USP6NL: variants seen among roughly 807,000 people sequenced by gnomAD.
USP6NL encodes the protein USP6 N-terminal-like protein.
A neutral mutation model predicts 61.9 loss-of-function variants in USP6NL; 26 were observed. The ratio of observed to expected loss-of-function variants is 0.42; its 90% CI spans 0.31 to 0.58. The LOEUF (loss-of-function observed/expected upper bound fraction) is 0.58. Ranked by LOEUF, USP6NL falls within the 20% of genes least tolerant of loss-of-function variation. The pLI, the probability that USP6NL is intolerant of heterozygous loss-of-function variation, is 0.16. For synonymous variants in USP6NL, 432 were observed against 390.1 expected (o/e 1.11, Z -1.27); for missense variants, 1,114 against 1,034.3 (o/e 1.08, Z -1.06).
At chr10:11,544,641 C>A (rs1384078423) in intron 2 of USP6NL, among the ~76,000 whole-genome samples, 2 of 152,156 alleles carry the variant, frequency 1.3e-5, no homozygotes, top group Non-Finnish European at 2.9e-5. Context: ...GTGCCTGCCA[C>A]CACACCTGGC....
intron 2 of USP6NL, among the ~76,000 whole-genome samples, chr10:11,569,784 A>AGAAT (rs1837294174): frequency 6.6e-6 from 1 of 152,246 alleles, no homozygotes; most frequent in Non-Finnish European, 1.5e-5. Context: ...TCTAGGTTTT[A>AGAAT]TGGCAAATTG....
intron 14 of USP6NL, among the ~76,000 whole-genome samples, chr10:11,473,222 T>C (rs1297421994): frequency 6.7e-6 from 1 of 149,016 alleles, no homozygotes; most frequent in Admixed American, 6.6e-5. Flanking sequence ...TAGGATTTCA[T>C]TTATTCAATA....
At chr10:11,526,099 A>ACATGCTC (rs879485510) in intron 3 of USP6NL, among the ~76,000 whole-genome samples, 8,612 of 152,072 alleles carry the variant, frequency 0.057, 368 homozygotes, top group East Asian at 0.16. Flanking sequence ...CTCATGCTCC[A>ACATGCTC]TCAACTCTTC....
chr10:11,568,786 T>C (rs11257175), intron 2 of USP6NL, among the ~76,000 whole-genome samples: 17,733 of 152,228 alleles, frequency 0.12, 1,355 homozygotes, highest in East Asian at 0.16. Flanking sequence ...CATTACTCCA[T>C]GAATTGCACT....
At chr10:11,573,504 C>T in intron 2 of USP6NL, 1 of 396,480 alleles carries the variant, frequency 2.5e-6, no homozygotes, top group East Asian at 3.6e-5. Flanking sequence ...CAAAAGCATA[C>T]ACGGAAACTC....
rs1834643754 is a variant in USP6NL at position 11,510,209 on chromosome 10, T to C, written c.196-534A>G. ...GCTGCCCTAAAGAAATTTGACCAGG[T>C]GCTAAGGACAATGGACAAGGAACAC... On this transcript the variant is annotated intron_variant, in intron 5 of 14. Transcript: ENST00000609104. This position sits in a 1 kb window ranked among gnomAD's most constrained non-coding sequence, Gnocchi z 4.8. Among the ~76,000 whole-genome samples the C allele has an allele frequency of 6.6e-6, 1 of 151,790 alleles. No individual in the cohort carries two copies. The highest frequency in any genetic ancestry group is 1.5e-5 in the Non-Finnish European group (1 of 67,964).
chr10:11,490,983 C>A lies in USP6NL; in HGVS notation c.495-103G>T. Reference sequence around the variant, plus strand: ...CAAAGACTGACTGAAAACAGATAATCCAGATAAAATTACTAATGTAATAAA... The same window carrying A: ...CAAAGACTGACTGAAAACAGATAATACAGATAAAATTACTAATGTAATAAA... On this transcript the variant is annotated intron_variant, in intron 8 of 14. Coordinates refer to ENST00000609104, the MANE Select transcript of USP6NL (RefSeq NM_014688.5). The surrounding 1 kb of genome is among the most constrained non-coding windows in gnomAD (Gnocchi z 4.5). 1 of 1,026,742 alleles carries A rather than the reference C, an allele frequency of 9.7e-7. No homozygotes were observed. The highest frequency in any genetic ancestry group is 1.8e-5 in the South Asian group (1 of 54,298). The allele number at this position is 1,026,742 out of a possible 1,614,324, so 63.6% of individuals were successfully genotyped here.
intron 2 of USP6NL, among the ~76,000 whole-genome samples, chr10:11,557,183 C>A (rs1836737827): frequency 6.6e-6 from 1 of 152,138 alleles, no homozygotes; most frequent in Non-Finnish European, 1.5e-5. Flanking sequence ...TGTTTTCATG[C>A]TCAATCAGCT....
intron 2 of USP6NL, among the ~76,000 whole-genome samples, chr10:11,544,509 C>A (rs909419985): frequency 6.6e-6 from 1 of 151,300 alleles, no homozygotes; most frequent in Non-Finnish European, 1.5e-5. Context: ...TTTTTTAAGA[C>A]AGAATTTCGC....
intron 7 of USP6NL, among the ~76,000 whole-genome samples, chr10:11,498,671 T>C (rs1834048763): frequency 6.6e-6 from 1 of 152,198 alleles, no homozygotes; most frequent in Admixed American, 6.5e-5. Flanking sequence ...TACTTTATTT[T>C]AAAATACGGC....
intron 1 of USP6NL, among the ~76,000 whole-genome samples, chr10:11,608,037 C>T (rs965908653): frequency 6.6e-6 from 1 of 152,170 alleles, no homozygotes; most frequent in African/African-American, 2.4e-5. Context: ...AAACTACTTG[C>T]CACTTACTGA....
intron 6 of USP6NL, among the ~76,000 whole-genome samples, chr10:11,505,887 T>C (rs1164648196): frequency 6.6e-6 from 1 of 152,178 alleles, no homozygotes; most frequent in Non-Finnish European, 1.5e-5. Context: ...TGCCTCTCCA[T>C]TTTCTCTCAT....
chr10:11,462,471 C>T lies in USP6NL; in HGVS notation c.2457G>A (p.Gly819=), dbSNP rs1460511600. ...PPAYHYRNRD[G]LSIQESVLL ...GCAACACTGACTCTTGGATGGAAAG[C>T]CCGTCCCGATTCCTGTAGTGGTAGG... The change falls in exon 15 of 15, where the codon GGG becomes GGA. Residue 819 remains glycine (G), a synonymous_variant. Coordinates refer to ENST00000609104, the MANE Select transcript of USP6NL (RefSeq NM_014688.5). 3 of 1,613,696 alleles carry T rather than the reference C, an allele frequency of 1.9e-6. No individual in the cohort carries two copies. Among genetic ancestry groups the T allele is most frequent in the Admixed American group, 1.7e-5 (1 of 60,024 alleles).
At chr10:11,580,604 T>C (rs747426098) in intron 2 of USP6NL, among the ~76,000 whole-genome samples, 3 of 152,146 alleles carry the variant, frequency 2.0e-5, no homozygotes, top group Non-Finnish European at 2.9e-5. Flanking sequence ...CTGGGGAGTT[T>C]CAAAGGACTG....
intron 6 of USP6NL, among the ~76,000 whole-genome samples, chr10:11,501,478 C>G (rs1834191907): frequency 6.6e-6 from 1 of 152,212 alleles, no homozygotes; most frequent in East Asian, 1.9e-4. Context: ...GGAAGTGTCC[C>G]TTAAGTGGCA....
chr10:11,596,111 A>C lies in USP6NL; in HGVS notation c.4+1520T>G, dbSNP rs767827136. ...TGAAAGGCACAGGCTACCTGCCGTC[A>C]AAAAAACTTACATCTGCAACACTGA... On this transcript the variant is annotated intron_variant, in intron 2 of 14. Transcript: ENST00000609104. The surrounding 1 kb of genome is among the most constrained non-coding windows in gnomAD (Gnocchi z 4.1). Among the ~76,000 whole-genome samples the C allele has an allele frequency of 2.6e-5, 4 of 152,180 alleles. No individual in the cohort carries two copies. The highest frequency in any genetic ancestry group is 4.8e-5 in the African/African-American group (2 of 41,430).
rs191360265 is a variant in USP6NL at position 11,574,910 on chromosome 10, T to C, written c.4+22721A>G. ...CTCCAGCAAGCACCGTCTGTAAAAA[T>C]GTCTAGTTTTAAAATTCAAGGTGAA... is the stretch of plus-strand genomic sequence containing the variant. On this transcript the variant is annotated intron_variant, in intron 2 of 14. Coordinates refer to ENST00000609104, the MANE Select transcript of USP6NL (RefSeq NM_014688.5). The surrounding 1 kb of genome is among the most constrained non-coding windows in gnomAD (Gnocchi z 4.3). Among the ~76,000 whole-genome samples the C allele has an allele frequency of 4.6e-3, 696 of 152,270 alleles. 7 individuals carry two copies. The highest frequency in any genetic ancestry group is 0.016 in the African/African-American group (653 of 41,556).
chr10:11,565,962 T>C (rs1385960140), intron 2 of USP6NL, among the ~76,000 whole-genome samples: 4 of 152,222 alleles, frequency 2.6e-5, no homozygotes, highest in Admixed American at 2.6e-4. Context: ...CCAGCATTTA[T>C]CATATGCACA....
chr10:11,510,211 C>CT lies in USP6NL; in HGVS notation c.196-537dup, dbSNP rs1393741972. Among the ~76,000 whole-genome samples the CT allele has an allele frequency of 6.6e-6, 1 of 152,050 alleles. No homozygotes were observed. The highest frequency in any genetic ancestry group is 1.9e-4 in the East Asian group (1 of 5,190). On this transcript the variant is annotated intron_variant, in intron 5 of 14. Coordinates refer to ENST00000609104, the MANE Select transcript of USP6NL (RefSeq NM_014688.5). This position sits in a 1 kb window ranked among gnomAD's most constrained non-coding sequence, Gnocchi z 4.8. ...TGCCCTAAAGAAATTTGACCAGGTG[C>CT]TAAGGACAATGGACAAGGAACACAC...
Sources: gnomAD v4.1 joint callset for allele counts (sites outside exome capture counted in the v4.1 genomes callset) on GRCh38, gnomAD v4.1.1 for gene constraint, Gnocchi (gnomAD v3.1) non-coding constraint, MANE v1.5 for transcripts, NCBI Gene and HGNC (gene_info 2026-07-23, HGNC 2026-07-21) for gene names.